The following PDK4 variants were observed in gnomAD, a reference collection of about 807,000 sequenced individuals.
PDK4 encodes pyruvate dehydrogenase kinase 4.
In PDK4, 43 loss-of-function variants were observed where a neutral mutation model predicts 51.7. The observed-to-expected ratio is 0.83, with a 90% CI of 0.65 to 1.07. The LOEUF (loss-of-function observed/expected upper bound fraction) is 1.07. PDK4 is among the 50% of genes least tolerant of loss of function. The pLI is 0.00. For synonymous variants in PDK4, 170 were observed against 176.6 expected (o/e 0.96, Z 0.30); for missense variants, 498 against 503.5 (o/e 0.99, Z 0.10).
intron 7 of PDK4, among the ~76,000 whole-genome samples, chr7:95,588,263 G>A (rs900862039): frequency 6.6e-6 from 1 of 152,130 alleles, no homozygotes; most frequent in Non-Finnish European, 1.5e-5. Context: ...CTGTGAAAAG[G>A]TTGTTACTAT....
rs2116722466 is a variant in PDK4, at chr7:95,596,276, G to C, written c.18C>G (p.Phe6Leu). 1.9e-6 allele frequency: 3 copies of C among 1,578,674 alleles called. No individual in the cohort carries two copies. Among genetic ancestry groups the C allele is most frequent in the East Asian group, 2.4e-5 (1 of 41,710 alleles). Residue 6 changes from phenylalanine to leucine, a missense_variant, in exon 1 of 11, where the codon TTC becomes TTG. Physicochemically the swap from Phe to Leu is conservative, Grantham distance 22. Coordinates refer to ENST00000005178, the MANE Select transcript of PDK4 (RefSeq NM_002612.4). ...TGAGCGAGCCAGCGCTGCGCAGCAC[G>C]AAGCGGGCCGCCTTCATCTTGACGC... MKAAR[F>L]VLRSAGSLNG...
intron 7 of PDK4, among the ~76,000 whole-genome samples, chr7:95,588,788 T>C (rs552760555): frequency 6.6e-6 from 1 of 152,234 alleles, no homozygotes. Context: ...TAAGTTCAAT[T>C]TGATCTTAAT....
intron 2 of PDK4, 46 bp from the exon 3 acceptor site, chr7:95,593,816 A>G: frequency 1.2e-6 from 1 of 812,016 alleles, no homozygotes; most frequent in East Asian, 2.5e-5. Flanking sequence ...TAATAGTCAG[A>G]TACAAATGGC....
intron 6 of PDK4, among the ~76,000 whole-genome samples, chr7:95,590,751 G>C (rs1231196833): frequency 6.6e-6 from 1 of 152,176 alleles, no homozygotes; most frequent in Non-Finnish European, 1.5e-5. Flanking sequence ...AATATTACTT[G>C]AGAAAGATGT....
At chr7:95,586,976 G>A in intron 10 of PDK4, 34 bp downstream of exon 10, 1 of 1,217,884 alleles carries the variant, frequency 8.2e-7, no homozygotes, top group Non-Finnish European at 1.2e-6. Flanking sequence ...AATGGTTTTA[G>A]AAACAGGATT....
At chr7:95,586,764 A>T in intron 10 of PDK4, 1 of 345,592 alleles carries the variant, frequency 2.9e-6, no homozygotes, top group South Asian at 9.5e-5. Context: ...AACTTTGGTA[A>T]TGTATTAACC....
Position 95,592,584 on chromosome 7 carries a change from A to G in PDK4, c.543T>C (p.Ser181=). 1 of 1,604,476 alleles carries G rather than the reference A, an allele frequency of 6.2e-7. No individual in the cohort carries two copies. ...MLMNQHILIF[S]DSQTGNPSHI... ...GGCTTGGGTTTCCTGTCTGTGAGTC[A>G]CTAAATATAAGAACTGTTGAAAAAT... is the stretch of plus-strand genomic sequence containing the variant. The change falls in exon 5 of 11, where the codon AGT becomes AGC. Residue 181 remains serine (S), a synonymous_variant. Coordinates refer to ENST00000005178, the MANE Select transcript of PDK4 (RefSeq NM_002612.4).
At chr7:95,586,355 C>T (rs1388284636) in intron 10 of PDK4, among the ~76,000 whole-genome samples, 1 of 152,034 alleles carries the variant, frequency 6.6e-6, no homozygotes, top group African/African-American at 2.4e-5. Flanking sequence ...CCACCACACC[C>T]AGCTAATTTT....
At chr7:95,595,574 G>A (rs1306708299) in intron 1 of PDK4, among the ~76,000 whole-genome samples, 2 of 152,132 alleles carry the variant, frequency 1.3e-5, no homozygotes, top group African/African-American at 2.4e-5. Context: ...GGGGAGCTGT[G>A]ATATTTCCAG....
In PDK4 at chr7:95,585,629, G is replaced by A. The variant is rs1300451401; in HGVS notation, c.*12C>T. On this transcript the variant is annotated 3_prime_UTR_variant, in exon 11 of 11. Coordinates refer to ENST00000005178, the MANE Select transcript of PDK4 (RefSeq NM_002612.4). ...CCACTTTGATCCCGTAAAGTGTCCT[G>A]AGTGTCCCTCTTCACATGGCCACTT... is the stretch of plus-strand genomic sequence containing the variant. 1 of 1,602,432 alleles carries A rather than the reference G, an allele frequency of 6.2e-7. No individual in the cohort carries two copies. Among genetic ancestry groups the A allele is most frequent in the Non-Finnish European group, 8.5e-7 (1 of 1,171,658 alleles).
intron 7 of PDK4, among the ~76,000 whole-genome samples, chr7:95,588,194 C>T (rs1791511081): frequency 6.6e-6 from 1 of 152,102 alleles, no homozygotes; most frequent in South Asian, 2.1e-4. Flanking sequence ...CCAAAGACTA[C>T]TATATAACAA....
Position 95,592,082 on chromosome 7 carries a change from T to G in PDK4, c.617-17A>C. On this transcript the variant is annotated splice_polypyrimidine_tract_variant and intron_variant, in intron 5 of 10. Transcript: ENST00000005178. ...CAAAGGCATCTGGAATAGAAGTTGT[T>G]TTTTATAACAATGAAATGAGTTTAT... 1 of 1,483,746 alleles carries G rather than the reference T, an allele frequency of 6.7e-7. No homozygotes were observed. The highest frequency in any genetic ancestry group is 1.2e-5 in the South Asian group (1 of 81,184). 91.9% of individuals were successfully genotyped at this position (1,483,746 alleles called of 1,614,324 possible). A position where few individuals can be genotyped will look rare whatever the true frequency, so the allele number is the denominator to read the frequency against.
rs55687078 is a variant in PDK4 at position 95,592,004 on chromosome 7, C to T, written c.678G>A (p.Lys226=). ...ATAACTTACCATTCACTTGTGTAAG[C>T]TTTAATTCTGGAGATGATAAATAAT... ...DQYYLSSPEL[K]LTQVNGKFPD... Residue 226 remains lysine (K), a synonymous_variant, in exon 6 of 11, where the codon AAG becomes AAA. Coordinates refer to ENST00000005178, the MANE Select transcript of PDK4 (RefSeq NM_002612.4). 2.0e-5 allele frequency: 31 copies of T among 1,540,006 alleles called. No individual in the cohort carries two copies. The Admixed American group carries it at 4.4e-4, about 22-fold the overall frequency.
At chr7:95,594,420 G>T (rs1279065197) in intron 2 of PDK4, among the ~76,000 whole-genome samples, 3 of 145,120 alleles carry the variant, frequency 2.1e-5, no homozygotes, top group Admixed American at 2.0e-4. Flanking sequence ...GCCAAGTGCT[G>T]TCCTAAGTGG....
chr7:95,589,708 G>C lies in PDK4; in HGVS notation c.703C>G (p.Pro235Ala), dbSNP rs1272225487. 6.4e-7 allele frequency: 1 copy of C among 1,556,272 alleles called. No homozygotes were observed. The highest frequency in any genetic ancestry group is 8.9e-7 in the Non-Finnish European group (1 of 1,128,880). Residue 235 changes from proline (P) to alanine (A), a missense_variant, in exon 7 of 11, where the codon CCA becomes GCA. Transcript: ENST00000005178. ...LKLTQVNGKF[P>A]DQPIHIVYVP... ...TACACGATGTGAATTGGTTGGTCTG[G>C]AAATTTTCCTAGAAAAATAAAATTC...
intron 8 of PDK4, 34 bp downstream of exon 8, chr7:95,587,693 A>G (rs762526825): frequency 6.9e-7 from 1 of 1,441,920 alleles, no homozygotes; most frequent in South Asian, 1.1e-5. Flanking sequence ...AATTCTCTCA[A>G]GAGACACCCA....
intron 3 of PDK4, 36 bp from the exon 4 acceptor site, chr7:95,592,980 A>C: frequency 7.0e-7 from 1 of 1,428,870 alleles, no homozygotes; most frequent in Non-Finnish European, 9.6e-7. Flanking sequence ...AAAAGTTCAA[A>C]TACGTTTCAT....
intron 8 of PDK4, 94 bp from the exon 9 acceptor site, chr7:95,587,622 G>A: frequency 1.8e-6 from 2 of 1,137,098 alleles, no homozygotes; most frequent in East Asian, 2.4e-5. Flanking sequence ...AAAATCACCT[G>A]GCATATATGA....
intron 7 of PDK4, among the ~76,000 whole-genome samples, chr7:95,589,278 G>A (rs1156963747): frequency 2.0e-5 from 3 of 152,146 alleles, no homozygotes; most frequent in African/African-American, 4.8e-5. Context: ...CCAGCCTGTG[G>A]GGGTGGAGGT....
Sources: allele counts gnomAD v4.1 joint callset (sites outside exome capture counted in the v4.1 genomes callset), GRCh38; gene constraint gnomAD v4.1.1; transcripts MANE v1.5; gene names NCBI Gene and HGNC (gene_info 2026-07-23, HGNC 2026-07-21).